CSMD1: variants seen among roughly 807,000 people sequenced by gnomAD.
CSMD1 encodes the protein CUB and sushi domain-containing protein 1.
Under a neutral mutation model 417.5 loss-of-function variants are expected in CSMD1, and 213 were observed. The ratio of observed to expected loss-of-function variants is 0.51; its 90% CI spans 0.46 to 0.57. The LOEUF (loss-of-function observed/expected upper bound fraction) is 0.57. Ranked by LOEUF, CSMD1 falls within the 20% of genes least tolerant of loss-of-function variation. The pLI is 0.00. For synonymous variants in CSMD1, 2,862 were observed against 1,736.8 expected (o/e 1.65, Z -16.11); for missense variants, 6,923 against 4,529.7 (o/e 1.53, Z -15.17).
At chr8:4,934,863 ATAC>A (rs889934919) in intron 1 of CSMD1, among the ~76,000 whole-genome samples, 11 of 152,252 alleles carry the variant, frequency 7.2e-5, no homozygotes, top group Non-Finnish European at 1.2e-4. Context: ...TCATCTAACT[ATAC>A]TACATCAATC....
chr8:3,459,505 C>G (rs548046391), intron 12 of CSMD1, among the ~76,000 whole-genome samples: 2 of 152,090 alleles, frequency 1.3e-5, no homozygotes, highest in African/African-American at 4.8e-5. Flanking sequence ...ATGCGGCAGT[C>G]GGAGACACGG....
chr8:3,212,960 C>G (rs1332789749), intron 30 of CSMD1, among the ~76,000 whole-genome samples: 1 of 151,604 alleles, frequency 6.6e-6, no homozygotes, highest in Non-Finnish European at 1.5e-5. Context: ...TCCCAAGTAG[C>G]TGGGATTACA....
At chr8:3,556,415 T>TATACACACACACATACATA (rs1799148435) in intron 10 of CSMD1, among the ~76,000 whole-genome samples, 4 of 57,124 alleles carry the variant, frequency 7.0e-5, no homozygotes, top group African/African-American at 2.5e-4. Context: ...ATATATATAT[T>TATACACACACACATACATA]CACACACACA....
At chr8:4,007,889 T>G (rs937135255) in intron 4 of CSMD1, among the ~76,000 whole-genome samples, 3 of 151,860 alleles carry the variant, frequency 2.0e-5, no homozygotes, top group Admixed American at 6.5e-5. Context: ...GTGGCTTTCT[T>G]AAGAATGAGT....
intron 51 of CSMD1, among the ~76,000 whole-genome samples, chr8:3,028,750 A>G (rs181357899): frequency 3.3e-5 from 5 of 152,326 alleles, no homozygotes; most frequent in Admixed American, 2.6e-4. Flanking sequence ...TTTATGCATG[A>G]TAATTTTCTG....
At chr8:4,024,376 G>A (rs1004339273) in intron 4 of CSMD1, among the ~76,000 whole-genome samples, 2 of 152,170 alleles carry the variant, frequency 1.3e-5, no homozygotes, top group Non-Finnish European at 2.9e-5. Flanking sequence ...TAAGAGTATG[G>A]ATACGCTGAT....
intron 1 of CSMD1, among the ~76,000 whole-genome samples, chr8:4,824,767 C>T (rs1466077733): frequency 6.6e-6 from 1 of 152,112 alleles, no homozygotes; most frequent in Non-Finnish European, 1.5e-5. Context: ...AAGACAAAAG[C>T]TAACAAGAGT....
chr8:4,317,525 G>C (rs1177316095), intron 3 of CSMD1, among the ~76,000 whole-genome samples: 1 of 152,062 alleles, frequency 6.6e-6, no homozygotes, highest in Admixed American at 6.6e-5. Context: ...ACTTTTCTTG[G>C]CTGTTTCTTC....
intron 3 of CSMD1, among the ~76,000 whole-genome samples, chr8:4,043,578 T>G (rs1478165530): frequency 6.6e-6 from 1 of 152,168 alleles, no homozygotes; most frequent in Admixed American, 6.5e-5. Context: ...TCTGGCCGCC[T>G]TGAGGGGGAA....
chr8:3,454,512 T>G (rs1422082605), intron 12 of CSMD1, among the ~76,000 whole-genome samples: 1 of 152,226 alleles, frequency 6.6e-6, no homozygotes, highest in Non-Finnish European at 1.5e-5. Context: ...GGACTGGTGG[T>G]GACAGAATCT....
intron 49 of CSMD1, among the ~76,000 whole-genome samples, chr8:3,086,788 G>A (rs1814562063): frequency 6.6e-6 from 1 of 151,988 alleles, no homozygotes; most frequent in Non-Finnish European, 1.5e-5. Flanking sequence ...TTAATACAAT[G>A]GTAAAGAAAA....
intron 7 of CSMD1, among the ~76,000 whole-genome samples, chr8:3,650,319 T>C (rs1255127071): frequency 2.6e-5 from 4 of 152,074 alleles, no homozygotes; most frequent in Admixed American, 6.6e-5. Flanking sequence ...AAATGAATGA[T>C]TGAGTTTCAA....
intron 3 of CSMD1, among the ~76,000 whole-genome samples, chr8:4,038,561 T>C (rs1022817272): frequency 3.3e-5 from 5 of 152,352 alleles, no homozygotes; most frequent in African/African-American, 1.2e-4. Context: ...CTGAAGATTA[T>C]GCATGTCTCT....
At chr8:3,018,417 T>C in intron 52 of CSMD1, 60 bp downstream of exon 52, 1 of 1,506,718 alleles carries the variant, frequency 6.6e-7, no homozygotes, top group Admixed American at 1.7e-5. Context: ...GTTACACAGC[T>C]GTAATCTATT....
At chr8:4,165,640 G>A (rs1301162261) in intron 3 of CSMD1, among the ~76,000 whole-genome samples, 5 of 152,094 alleles carry the variant, frequency 3.3e-5, no homozygotes, top group African/African-American at 9.7e-5. Context: ...TTGACACAAG[G>A]GATCATTGAA....
At chr8:4,447,415 G>A (rs1224817631) in intron 2 of CSMD1, among the ~76,000 whole-genome samples, 1 of 152,156 alleles carries the variant, frequency 6.6e-6, no homozygotes. Flanking sequence ...AGCCTGAAGT[G>A]GATGGCATTT....
At chr8:4,653,911 AT>A (rs147034448) in intron 1 of CSMD1, among the ~76,000 whole-genome samples, 3,516 of 151,342 alleles carry the variant, frequency 0.023, 120 homozygotes, top group East Asian at 0.1. Flanking sequence ...CTCAGTAGTC[AT>A]TTTTTTTTAA....
intron 2 of CSMD1, among the ~76,000 whole-genome samples, chr8:4,456,351 G>A (rs1461304980): frequency 6.6e-6 from 1 of 152,080 alleles, no homozygotes; most frequent in Admixed American, 6.6e-5. Flanking sequence ...GGAACATGTT[G>A]GTAAAAATAC....
At chr8:4,745,383 C>T (rs910703191) in intron 1 of CSMD1, among the ~76,000 whole-genome samples, 1 of 152,130 alleles carries the variant, frequency 6.6e-6, no homozygotes, top group African/African-American at 2.4e-5. Context: ...AGCACCTAAG[C>T]TTTAATAAGT....
Sources: allele counts gnomAD v4.1 joint callset (sites outside exome capture counted in the v4.1 genomes callset), GRCh38; gene constraint gnomAD v4.1.1; transcripts MANE v1.5; gene names NCBI Gene and HGNC (gene_info 2026-07-23, HGNC 2026-07-21).